Variants in EBF1 observed in about 807,000 individuals in gnomAD.
The protein encoded by EBF1 is transcription factor COE1.
In EBF1, 10 loss-of-function variants were observed where a neutral mutation model predicts 68.4. The ratio of observed to expected loss-of-function variants is 0.15; its 90% CI spans 0.09 to 0.25. EBF1 has a LOEUF of 0.25. EBF1 is among the 10% of genes least tolerant of loss of function. EBF1 has a pLI of 1.00. For synonymous variants in EBF1, 298 were observed against 299.8 expected, an observed-to-expected ratio of 0.99 and a Z score of 0.06; for missense variants, 509 against 794.4, an observed-to-expected ratio of 0.64 and a Z score of 4.32.
chr5:159,087,289 T>TATAC (rs1554134109), intron 4 of EBF1, among the ~76,000 whole-genome samples: 14 of 141,438 alleles, frequency 9.9e-5, no homozygotes, highest in African/African-American at 3.0e-4. Flanking sequence ...TATATATATA[T>TATAC]ACACATATAT....
chr5:158,749,424 A>C (rs989737264), intron 10 of EBF1, among the ~76,000 whole-genome samples: 17 of 152,256 alleles, frequency 1.1e-4, no homozygotes, highest in African/African-American at 3.8e-4. Flanking sequence ...CAAGATTCTA[A>C]AACCAACAGT....
At chr5:158,908,192 C>T (rs968421323) in intron 6 of EBF1, among the ~76,000 whole-genome samples, 1 of 152,176 alleles carries the variant, frequency 6.6e-6, no homozygotes, top group African/African-American at 2.4e-5. Context: ...ACCTGCTGTG[C>T]TTGACAATTA....
At chr5:159,010,428 T>C (rs1300951895) in intron 6 of EBF1, among the ~76,000 whole-genome samples, 1 of 152,192 alleles carries the variant, frequency 6.6e-6, no homozygotes, top group Non-Finnish European at 1.5e-5. Context: ...AAATTATTTA[T>C]CTTTTTGCAA....
chr5:158,821,009 G>A lies in EBF1; in HGVS notation c.778+2167C>T, dbSNP rs115380917. On this transcript the variant is annotated intron_variant, in intron 8 of 15. Coordinates refer to ENST00000313708, the MANE Select transcript of EBF1 (RefSeq NM_024007.5). ...CACTGTTGCCAAACTGGAACATCTG[G>A]CCCCACTTGGGCTCTCATTCCCCTT... Among the ~76,000 whole-genome samples the A allele has an allele frequency of 6.6e-3, 998 of 152,186 alleles. 11 individuals carry two copies. The highest frequency in any genetic ancestry group is 0.023 in the African/African-American group (945 of 41,530).
At chr5:158,749,648 T>C (rs533380828) in intron 10 of EBF1, among the ~76,000 whole-genome samples, 5 of 152,096 alleles carry the variant, frequency 3.3e-5, no homozygotes, top group Non-Finnish European at 2.9e-5. Flanking sequence ...TAAGTTCCTA[T>C]AGAGTTTAGG....
At position 158,849,894 on chromosome 5, in the gene EBF1, C is replaced by T. The variant is rs1003992161; in HGVS notation, c.555-9784G>A. Among the ~76,000 whole-genome samples the T allele has an allele frequency of 3.9e-5, 6 of 152,186 alleles. No individual in the cohort carries two copies. In the South Asian group the frequency reaches 8.3e-4, roughly 21 times the overall value. ...GGAATAAATTAGGAACTAAAGATTA[C>T]GAGTGGCTTTCTCAAAGTTTCTATG... On this transcript the variant is annotated intron_variant, in intron 6 of 15. Coordinates refer to ENST00000313708, the MANE Select transcript of EBF1 (RefSeq NM_024007.5).
chr5:158,733,820 T>A (rs777404354), intron 10 of EBF1, among the ~76,000 whole-genome samples: 1 of 152,190 alleles, frequency 6.6e-6, no homozygotes, highest in African/African-American at 2.4e-5. Flanking sequence ...ACATTAAAGA[T>A]GCTAGACAAA....
At chr5:158,982,443 C>CA (rs1561700377) in intron 6 of EBF1, among the ~76,000 whole-genome samples, 1 of 152,030 alleles carries the variant, frequency 6.6e-6, no homozygotes, top group African/African-American at 2.4e-5. Flanking sequence ...TGTCAGGCAA[C>CA]GAGGATATAA....
intron 8 of EBF1, among the ~76,000 whole-genome samples, chr5:158,814,236 G>A (rs1213514822): frequency 2.0e-5 from 3 of 152,098 alleles, no homozygotes; most frequent in African/African-American, 7.2e-5. Context: ...CCAGCTACTT[G>A]GGAAGCTGAG....
At chr5:159,063,400 G>T (rs187295444) in intron 6 of EBF1, among the ~76,000 whole-genome samples, 1 of 152,110 alleles carries the variant, frequency 6.6e-6, no homozygotes, top group Non-Finnish European at 1.5e-5. Flanking sequence ...ACTTTAACCC[G>T]GGGATATTTT....
At chr5:158,857,151 T>G (rs1794193628) in intron 6 of EBF1, among the ~76,000 whole-genome samples, 1 of 151,892 alleles carries the variant, frequency 6.6e-6, no homozygotes, top group African/African-American at 2.4e-5. Context: ...CCCTGTTAGA[T>G]CCTTCTGCAT....
intron 8 of EBF1, among the ~76,000 whole-genome samples, chr5:158,817,828 C>T (rs1784062811): frequency 6.6e-6 from 1 of 152,186 alleles, no homozygotes; most frequent in East Asian, 1.9e-4. Context: ...CATTATCCTA[C>T]TGCACCTAGC....
intron 1 of EBF1, 53 bp downstream of exon 1, chr5:159,099,292 C>G: frequency 7.2e-7 from 1 of 1,390,044 alleles, no homozygotes; most frequent in South Asian, 1.9e-5. Context: ...CCTCCGCCTC[C>G]CGGCTCTCCC....
intron 6 of EBF1, among the ~76,000 whole-genome samples, chr5:158,926,385 G>A (rs1249148240): frequency 6.6e-6 from 1 of 152,100 alleles, no homozygotes; most frequent in African/African-American, 2.4e-5. Context: ...ATACACATTA[G>A]GATTATTAGA....
rs17056238 is a variant in EBF1, at chr5:158,793,020, A to G, written c.909+3325T>C. On this transcript the variant is annotated intron_variant, in intron 9 of 15. Coordinates refer to ENST00000313708, the MANE Select transcript of EBF1 (RefSeq NM_024007.5). ...TAAAAATGGTGGCACAGGCTAAATT[A>G]TGAAAGTTAAGAAGGTAAGCCCTGG... Among the ~76,000 whole-genome samples the G allele has an allele frequency of 8.1e-3, 1,240 of 152,310 alleles. 14 individuals carry two copies. Among genetic ancestry groups the G allele is most frequent in the African/African-American group, 0.028 (1,177 of 41,566 alleles).
intron 11 of EBF1, among the ~76,000 whole-genome samples, chr5:158,714,511 G>T (rs1002735475): frequency 1.4e-5 from 2 of 145,918 alleles, no homozygotes; most frequent in African/African-American, 2.8e-5. Context: ...ATGTCATTCA[G>T]TCGTGGTATG....
intron 6 of EBF1, among the ~76,000 whole-genome samples, chr5:158,886,189 A>C (rs1421457504): frequency 6.6e-6 from 1 of 152,234 alleles, no homozygotes; most frequent in Non-Finnish European, 1.5e-5. Flanking sequence ...TCATAATTCA[A>C]GGCATGCCTG....
chr5:158,999,805 A>G (rs1243129661), intron 6 of EBF1, among the ~76,000 whole-genome samples: 1 of 152,224 alleles, frequency 6.6e-6, no homozygotes, highest in Non-Finnish European at 1.5e-5. Flanking sequence ...AGACATACAT[A>G]TAGAAAAATA....
chr5:158,859,141 T>C (rs762593703), intron 6 of EBF1, among the ~76,000 whole-genome samples: 1 of 152,032 alleles, frequency 6.6e-6, no homozygotes, highest in Non-Finnish European at 1.5e-5. Context: ...CCAGTAAGAG[T>C]TCTTATCTGC....
Sources: allele counts gnomAD v4.1 joint callset (sites outside exome capture counted in the v4.1 genomes callset), GRCh38; gene constraint gnomAD v4.1.1; transcripts MANE v1.5; gene names NCBI Gene and HGNC (gene_info 2026-07-23, HGNC 2026-07-21).